The following MRPL1 variants were observed in gnomAD, a reference collection of about 807,000 sequenced individuals.
MRPL1 encodes the protein mitochondrial ribosomal protein L1, also known as large ribosomal subunit protein uL1m.
In MRPL1, 28 loss-of-function variants were observed where a neutral mutation model predicts 38.0. The observed-to-expected ratio is 0.74, with a 90% CI of 0.55 to 1.01. The LOEUF (loss-of-function observed/expected upper bound fraction) is 1.01. Ranked by LOEUF, MRPL1 falls within the 50% of genes least tolerant of loss-of-function variation. The pLI, the probability that MRPL1 is intolerant of heterozygous loss-of-function variation, is 0.00. For missense variants in MRPL1, 358 were observed against 389.8 expected (o/e 0.92, Z 0.69); for synonymous variants, 123 against 126.7 (o/e 0.97, Z 0.20).
intron 2 of MRPL1, among the ~76,000 whole-genome samples, chr4:77,878,467 C>G (rs542716354): frequency 6.6e-6 from 1 of 152,198 alleles, no homozygotes; most frequent in South Asian, 2.1e-4. Flanking sequence ...CGAATTTCCC[C>G]CCACTAATGT....
intron 5 of MRPL1, among the ~76,000 whole-genome samples, chr4:77,890,590 CCT>C (rs1203176532): frequency 1.3e-5 from 2 of 152,096 alleles, no homozygotes; most frequent in Admixed American, 6.6e-5. Context: ...ACAGGGATGC[CCT>C]CTCTCACTCC....
Position 77,908,242 on chromosome 4 carries a change from A to AT in MRPL1, c.671-1012dup, listed in dbSNP as rs1018725511. 1,416 of 142,040 alleles carry AT rather than the reference A, an allele frequency of 1.0e-2. 9 individuals are homozygous for AT. Among genetic ancestry groups the AT allele is most frequent in the Middle Eastern group, 0.027 (6 of 224 alleles). The allele number at this position is 142,040 out of a possible 1,614,324, so 8.8% of individuals were successfully genotyped here. A position where few individuals can be genotyped will look rare whatever the true frequency, so the allele number is the denominator to read the frequency against. ...AAGATTCCAAGACCGTACTGTTATT[A>AT]TTTTTTTTTTTTGACAGTCTCACTC... On this transcript the variant is annotated intron_variant, in intron 6 of 8. Transcript: ENST00000315567.
intron 2 of MRPL1, among the ~76,000 whole-genome samples, chr4:77,875,155 T>C (rs1354232901): frequency 6.6e-6 from 1 of 152,164 alleles, no homozygotes; most frequent in Non-Finnish European, 1.5e-5. Context: ...GTTATTGATA[T>C]GTAGAAGCTT....
At chr4:77,866,527 G>T (rs2110226230) in intron 1 of MRPL1, among the ~76,000 whole-genome samples, 1 of 152,144 alleles carries the variant, frequency 6.6e-6, no homozygotes, top group African/African-American at 2.4e-5. Flanking sequence ...ATATCACCTT[G>T]TGCCTACCTT....
intron 1 of MRPL1, among the ~76,000 whole-genome samples, chr4:77,863,750 A>C (rs926542746): frequency 6.6e-6 from 1 of 152,076 alleles, no homozygotes; most frequent in Admixed American, 6.6e-5. Flanking sequence ...TACAGGCGTG[A>C]GGCACTGCGC....
intron 7 of MRPL1, among the ~76,000 whole-genome samples, chr4:77,921,214 T>C (rs1736568449): frequency 6.6e-6 from 1 of 152,228 alleles, no homozygotes; most frequent in Admixed American, 6.5e-5. Context: ...GTACACACAT[T>C]CTGAATGCCT....
intron 7 of MRPL1, among the ~76,000 whole-genome samples, chr4:77,925,173 G>T (rs1336003105): frequency 2.0e-5 from 3 of 151,968 alleles, no homozygotes; most frequent in Admixed American, 6.6e-5. Flanking sequence ...TACTTCACCC[G>T]TAAACATTTT....
chr4:77,864,385 C>CA (rs1735079544), intron 1 of MRPL1: 1 of 152,122 alleles, frequency 6.6e-6, no homozygotes, highest in South Asian at 2.1e-4. Context: ...TTCCATCCTT[C>CA]ATTCTCATCT....
At chr4:77,949,405 A>G (rs1737354782) in intron 7 of MRPL1, among the ~76,000 whole-genome samples, 1 of 152,228 alleles carries the variant, frequency 6.6e-6, no homozygotes, top group African/African-American at 2.4e-5. Context: ...TGGACTCAAG[A>G]AAACATTAAT....
At chr4:77,948,880 C>T (rs189395175) in intron 7 of MRPL1, among the ~76,000 whole-genome samples, 1,945 of 151,940 alleles carry the variant, frequency 0.013, 52 homozygotes, top group African/African-American at 0.045. Context: ...AAGCGATTCT[C>T]CTGCCTCAGC....
intron 7 of MRPL1, among the ~76,000 whole-genome samples, chr4:77,909,981 C>T: frequency 6.6e-6 from 1 of 152,108 alleles, no homozygotes. Flanking sequence ...AGTGCCTATC[C>T]AACATATGTA....
intron 7 of MRPL1, among the ~76,000 whole-genome samples, chr4:77,947,497 A>G (rs1220029504): frequency 2.6e-5 from 4 of 152,148 alleles, no homozygotes; most frequent in African/African-American, 4.8e-5. Flanking sequence ...ATAATGTGCT[A>G]TTGGTAATAT....
intron 7 of MRPL1, among the ~76,000 whole-genome samples, chr4:77,931,616 A>G (rs1005690861): frequency 3.9e-5 from 6 of 152,230 alleles, no homozygotes; most frequent in African/African-American, 1.2e-4. Context: ...TTTGTTGCCA[A>G]CCATTACCAC....
At chr4:77,902,890 C>T (rs1256512403) in intron 6 of MRPL1, among the ~76,000 whole-genome samples, 1 of 152,064 alleles carries the variant, frequency 6.6e-6, no homozygotes, top group Non-Finnish European at 1.5e-5. Context: ...AAGTCCAGGC[C>T]CACCTGATTC....
intron 7 of MRPL1, among the ~76,000 whole-genome samples, chr4:77,937,771 A>G (rs1737022630): frequency 6.6e-6 from 1 of 152,178 alleles, no homozygotes; most frequent in Admixed American, 6.5e-5. Flanking sequence ...TTGAGTCTTC[A>G]TTGTGAATCT....
At chr4:77,914,057 T>A (rs1320870346) in intron 7 of MRPL1, among the ~76,000 whole-genome samples, 1 of 152,164 alleles carries the variant, frequency 6.6e-6, no homozygotes, top group African/African-American at 2.4e-5. Flanking sequence ...GTTGCATGTG[T>A]GTATACATAA....
At chr4:77,866,578 T>C (rs1578035024) in intron 1 of MRPL1, among the ~76,000 whole-genome samples, 1 of 152,046 alleles carries the variant, frequency 6.6e-6, no homozygotes, top group Non-Finnish European at 1.5e-5. Flanking sequence ...TCTGACCTCT[T>C]CTCCATCTAT....
chr4:77,862,847 A>G lies in MRPL1; in HGVS notation c.-2A>G, dbSNP rs766283466. On this transcript the variant is annotated 5_prime_UTR_variant, in exon 1 of 9. Coordinates refer to ENST00000315567, the MANE Select transcript of MRPL1 (RefSeq NM_020236.4). ...TCGTGAACGCAATCCGGAGTGCCCAACATGGCGGCGGCCGTAAGGTGCATG... is the reference window on the plus strand; with the variant it reads ...TCGTGAACGCAATCCGGAGTGCCCAGCATGGCGGCGGCCGTAAGGTGCATG... 4.3e-6 allele frequency: 7 copies of G among 1,614,018 alleles called. No homozygotes were observed. In the African/African-American group the frequency reaches 9.3e-5, roughly 22 times the overall value.
intron 6 of MRPL1, among the ~76,000 whole-genome samples, chr4:77,895,878 C>G (rs1323332773): frequency 6.6e-6 from 1 of 152,026 alleles, no homozygotes; most frequent in East Asian, 1.9e-4. Flanking sequence ...TAAGTAAGAC[C>G]TAAAACTGAA....
Sources: allele counts gnomAD v4.1 joint callset (sites outside exome capture counted in the v4.1 genomes callset), GRCh38; gene constraint gnomAD v4.1.1; transcripts MANE v1.5; gene names NCBI Gene and HGNC (gene_info 2026-07-23, HGNC 2026-07-21).